The following GKAP1 variants were observed in gnomAD, a reference collection of about 807,000 sequenced individuals.
The protein encoded by GKAP1 is G kinase anchoring protein 1, also known as G kinase-anchoring protein 1.
GKAP1 carries 31 observed loss-of-function variants against 56.7 expected under a neutral mutation model. The observed-to-expected ratio is 0.55, with a 90% CI of 0.41 to 0.74. The LOEUF (loss-of-function observed/expected upper bound fraction) is 0.74, where lower values mean the gene tolerates loss of function less well. Ranked by LOEUF, GKAP1 falls within the 30% of genes least tolerant of loss-of-function variation. GKAP1 has a pLI of 0.00. For missense variants in GKAP1, 364 were observed against 402.3 expected (o/e 0.90, Z 0.82); for synonymous variants, 151 against 138.6 (o/e 1.09, Z -0.63).
At chr9:83,769,419 G>T (rs1200531765) in intron 7 of GKAP1, among the ~76,000 whole-genome samples, 1 of 152,074 alleles carries the variant, frequency 6.6e-6, no homozygotes, top group Non-Finnish European at 1.5e-5. Context: ...CCCGCCCCAG[G>T]CAACACTAAT....
intron 4 of GKAP1, among the ~76,000 whole-genome samples, chr9:83,793,501 C>G (rs571442737): frequency 2.0e-5 from 3 of 152,238 alleles, no homozygotes; most frequent in Non-Finnish European, 4.4e-5. Context: ...ACATTCATTA[C>G]CACATTCAGT....
At position 83,809,520 on chromosome 9, in the gene GKAP1, T is replaced by C. The variant is rs559229349; in HGVS notation, c.-43-2960A>G. On this transcript the variant is annotated intron_variant, in intron 2 of 12. Transcript: ENST00000376371. The stretch of plus-strand genomic sequence containing the variant: ...GGCTTGTGAAACTGTTGGAAGATTA[T>C]GTTCAAGGTGCCTAAACAGCAAGGC... 1.6e-4 allele frequency among the ~76,000 whole-genome samples: 24 copies of C among 152,354 alleles called. No individual in the cohort carries two copies. In the East Asian group the frequency reaches 3.5e-3, roughly 22 times the overall value.
At chr9:83,771,813 G>A (rs1943767285) in intron 7 of GKAP1, among the ~76,000 whole-genome samples, 1 of 152,176 alleles carries the variant, frequency 6.6e-6, no homozygotes, top group African/African-American at 2.4e-5. Context: ...TCTGTGGAAA[G>A]AATAACATAC....
chr9:83,787,979 TTAAAATTAAAA>T (rs1944092006), intron 5 of GKAP1, among the ~76,000 whole-genome samples: 1 of 152,138 alleles, frequency 6.6e-6, no homozygotes, highest in African/African-American at 2.4e-5. Flanking sequence ...CTATGTTCAT[TTAAAATTAAAA>T]TAATCGGCAG....
intron 2 of GKAP1, among the ~76,000 whole-genome samples, chr9:83,810,563 AG>A (rs1348883017): frequency 6.6e-6 from 1 of 152,188 alleles, no homozygotes; most frequent in African/African-American, 2.4e-5. Context: ...CAGTTTTGGG[AG>A]AATGAGATGC....
intron 12 of GKAP1, 54 bp from the exon 13 acceptor site, chr9:83,739,798 C>T: frequency 1.4e-6 from 2 of 1,432,252 alleles, no homozygotes; most frequent in Non-Finnish European, 1.9e-6. Context: ...CATTTTGGGA[C>T]CACTTCATTT....
intron 12 of GKAP1, among the ~76,000 whole-genome samples, chr9:83,741,392 A>AC (rs1943206078): frequency 6.6e-6 from 1 of 151,478 alleles, no homozygotes; most frequent in East Asian, 1.9e-4. Context: ...ACACACACAC[A>AC]AAAGCACTGG....
intron 2 of GKAP1, among the ~76,000 whole-genome samples, chr9:83,815,866 A>G (rs1219727165): frequency 6.6e-6 from 1 of 152,068 alleles, no homozygotes; most frequent in Non-Finnish European, 1.5e-5. Flanking sequence ...ATAACCAAAC[A>G]GTATCTTTCA....
At chr9:83,760,681 A>G (rs962561959) in intron 8 of GKAP1, among the ~76,000 whole-genome samples, 1 of 152,186 alleles carries the variant, frequency 6.6e-6, no homozygotes, top group African/African-American at 2.4e-5. Flanking sequence ...TCTGACCACA[A>G]TGAAATAAAG....
At position 83,812,194 on chromosome 9, in the gene GKAP1, CACAT is replaced by C. The variant is rs986542069; in HGVS notation, c.-44+4798_-44+4801del. Among the ~76,000 whole-genome samples, 169 of 149,460 alleles carry C rather than the reference CACAT, an allele frequency of 1.1e-3. 1 individual carries two copies. Among genetic ancestry groups the C allele is most frequent in the African/African-American group, 4.0e-3 (162 of 40,618 alleles). On this transcript the variant is annotated intron_variant, in intron 2 of 12. Coordinates refer to ENST00000376371, the MANE Select transcript of GKAP1 (RefSeq NM_025211.4). ...CAATGACTATATAAATATATATATACACATATATATACACATACATACATACACA... is the reference window on the plus strand; with the variant it reads ...CAATGACTATATAAATATATATATACATATATACACATACATACATACACA...
At chr9:83,740,114 T>A (rs1037453756) in intron 12 of GKAP1, among the ~76,000 whole-genome samples, 1 of 152,186 alleles carries the variant, frequency 6.6e-6, no homozygotes, top group African/African-American at 2.4e-5. Flanking sequence ...ATTTAGTAAT[T>A]CAGTTCATTA....
At chr9:83,769,941 A>G (rs1473661651) in intron 7 of GKAP1, among the ~76,000 whole-genome samples, 2 of 152,142 alleles carry the variant, frequency 1.3e-5, no homozygotes, top group African/African-American at 4.8e-5. Flanking sequence ...TTTCAGTCGC[A>G]TTTCCCTGAC....
chr9:83,799,797 TACA>T (rs1187451692), intron 3 of GKAP1, among the ~76,000 whole-genome samples: 5 of 151,766 alleles, frequency 3.3e-5, no homozygotes, highest in East Asian at 1.9e-4. Flanking sequence ...TCACAAAAAA[TACA>T]ACAACAACAA....
rs1298986099 is a variant in GKAP1, at chr9:83,779,442, T to TACACACACACAC, written c.585+939_585+940insGTGTGTGTGTGT. 6.8e-4 allele frequency among the ~76,000 whole-genome samples: 47 copies of TACACACACACAC among 69,150 alleles called. 2 individuals are homozygous for TACACACACACAC. Among genetic ancestry groups the TACACACACACAC allele is most frequent in the Admixed American group, 8.8e-4 (4 of 4,520 alleles). 45.4% of individuals were successfully genotyped at this position (69,150 alleles called of 152,430 possible). A position where few individuals can be genotyped will look rare whatever the true frequency, so the allele number is the denominator to read the frequency against. On this transcript the variant is annotated intron_variant, in intron 7 of 12. Transcript: ENST00000376371. ...GTCAGAAGCCATATATATATATATA[T>TACACACACACAC]ATATATACACACACACACACACGCA...
intron 10 of GKAP1, among the ~76,000 whole-genome samples, chr9:83,747,561 TG>T (rs1943315304): frequency 6.6e-6 from 1 of 152,168 alleles, no homozygotes; most frequent in Non-Finnish European, 1.5e-5. Context: ...TTCTTTTACC[TG>T]AATAGTTATA....
At chr9:83,802,131 A>C (rs1944340754) in intron 3 of GKAP1, among the ~76,000 whole-genome samples, 1 of 152,208 alleles carries the variant, frequency 6.6e-6, no homozygotes, top group Non-Finnish European at 1.5e-5. Context: ...TTGGGCATTT[A>C]AGTAAAGCTA....
chr9:83,806,153 A>G (rs1463569551), intron 3 of GKAP1, 149 bp downstream of exon 3: 1 of 617,804 alleles, frequency 1.6e-6, no homozygotes, highest in African/African-American at 1.8e-5. Flanking sequence ...GATTTTAAAT[A>G]TACACAAATT....
At chr9:83,760,097 C>T (rs1038040026) in intron 8 of GKAP1, among the ~76,000 whole-genome samples, 2 of 152,062 alleles carry the variant, frequency 1.3e-5, no homozygotes, top group South Asian at 2.1e-4. Flanking sequence ...CTTTATAGAA[C>T]AGCTGAATGG....
At position 83,784,731 on chromosome 9, in the gene GKAP1, T is replaced by C; in HGVS notation, c.546A>G (p.Lys182=). 6.3e-7 allele frequency: 1 copy of C among 1,595,840 alleles called. No individual in the cohort carries two copies. Among genetic ancestry groups the C allele is most frequent in the Non-Finnish European group, 8.5e-7 (1 of 1,170,942 alleles). The change falls in exon 6 of 13, where the codon AAA becomes AAG. Residue 182 remains lysine (K), a synonymous_variant. Transcript: ENST00000376371. ...ATACATTACCTTCCGAATGAAAATC[T>C]TTTAGTGATACTGTGAGAGGTCTGT... ...GKDRPLTVSL[K]DFHSEDHISK... is the part of the protein sequence containing the mutation.
Sources: allele counts gnomAD v4.1 joint callset (sites outside exome capture counted in the v4.1 genomes callset), GRCh38; gene constraint gnomAD v4.1.1; transcripts MANE v1.5; gene names NCBI Gene and HGNC (gene_info 2026-07-23, HGNC 2026-07-21).